The following CCDC92B variants were observed in gnomAD, a reference collection of about 807,000 sequenced individuals.
The protein encoded by CCDC92B is coiled-coil domain-containing 92B.
Under a neutral mutation model 5.6 loss-of-function variants are expected in CCDC92B, and 2 were observed. That is an observed-to-expected ratio of 0.36 (90% CI 0.15 to 1.12). The LOEUF is 1.12. CCDC92B is among the 50% of genes most tolerant of loss of function. CCDC92B has a pLI of 0.40. For missense variants in CCDC92B, 271 were observed against 262.2 expected (o/e 1.03, Z -0.23); for synonymous variants, 115 against 122.3 (o/e 0.94, Z 0.39).
Position 2,721,458 on chromosome 17 carries a change from G to A in CCDC92B, c.*2953C>T, listed in dbSNP as rs1298269813. Reference sequence around the variant, plus strand: ...AGGGGCCAGGAGCGCGTGGGGGTGCGAGGTTTCCCTTTGGCCAGGTGGGCT... The same window carrying A: ...AGGGGCCAGGAGCGCGTGGGGGTGCAAGGTTTCCCTTTGGCCAGGTGGGCT... On this transcript the variant is annotated 3_prime_UTR_variant, in exon 4 of 4. Transcript: ENST00000614400. 2 of 152,410 alleles carry A rather than the reference G, an allele frequency of 1.3e-5. No individual in the cohort carries two copies. The highest frequency in any genetic ancestry group is 4.8e-5 in the African/African-American group (2 of 41,452). 9.4% of individuals were successfully genotyped at this position (152,410 alleles called of 1,614,324 possible).
intron 3 of CCDC92B, among the ~76,000 whole-genome samples, chr17:2,727,714 C>T (rs927075987): frequency 6.6e-6 from 1 of 151,576 alleles, no homozygotes; most frequent in Admixed American, 6.6e-5. Flanking sequence ...ATCCCAGCTA[C>T]TTGGGAGGCT....
At chr17:2,740,113 G>T (rs1008787496) in intron 1 of CCDC92B, among the ~76,000 whole-genome samples, 19 of 152,204 alleles carry the variant, frequency 1.2e-4, no homozygotes, top group Admixed American at 1.0e-3. Context: ...AGTTCTCTTT[G>T]GGGAAGTAAC....
chr17:2,729,517 A>T (rs1302833148), intron 3 of CCDC92B, among the ~76,000 whole-genome samples: 1 of 126,802 alleles, frequency 7.9e-6, no homozygotes, highest in Non-Finnish European at 1.7e-5. Context: ...AAAAAAAATT[A>T]CTGTGTCCCT....
chr17:2,734,906 G>A (rs993323413), intron 2 of CCDC92B, 110 bp downstream of exon 2: 15 of 786,638 alleles, frequency 1.9e-5, no homozygotes, highest in Non-Finnish European at 2.3e-5. Context: ...CAGCAGAATC[G>A]GTGCAGTGTG....
At chr17:2,727,820 T>G (rs1182938848) in intron 3 of CCDC92B, among the ~76,000 whole-genome samples, 3 of 113,694 alleles carry the variant, frequency 2.6e-5, no homozygotes, top group African/African-American at 9.4e-5. Flanking sequence ...TGAGACTCCG[T>G]CTCAAAAAAA....
At chr17:2,727,629 G>A (rs560470852) in intron 3 of CCDC92B, among the ~76,000 whole-genome samples, 3 of 151,952 alleles carry the variant, frequency 2.0e-5, no homozygotes, top group African/African-American at 7.2e-5. Context: ...TTCGAGACCA[G>A]CCTGGCCAGC....
intron 1 of CCDC92B, among the ~76,000 whole-genome samples, chr17:2,740,797 G>A (rs539798950): frequency 4.0e-5 from 6 of 151,698 alleles, no homozygotes; most frequent in East Asian, 1.9e-4. Flanking sequence ...ATGAAACCTC[G>A]TCTCTACAAA....
At chr17:2,726,256 C>G (rs1352875849) in intron 3 of CCDC92B, among the ~76,000 whole-genome samples, 1 of 151,498 alleles carries the variant, frequency 6.6e-6, no homozygotes, top group African/African-American at 2.4e-5. Flanking sequence ...TGGCTCACTG[C>G]AAGCTCCACC....
rs1218555880 is a variant in CCDC92B at position 2,721,197 on chromosome 17, G to A, written c.*3214C>T. 1.3e-4 allele frequency: 20 copies of A among 152,458 alleles called. No homozygotes were observed. Among genetic ancestry groups the A allele is most frequent in the Admixed American group, 1.3e-3 (20 of 15,282 alleles). 9.4% of individuals were successfully genotyped at this position (152,458 alleles called of 1,614,324 possible). A position where few individuals can be genotyped will look rare whatever the true frequency, so the allele number is the denominator to read the frequency against. On this transcript the variant is annotated 3_prime_UTR_variant, in exon 4 of 4. Coordinates refer to ENST00000614400, the MANE Select transcript of CCDC92B (RefSeq NM_001355573.2). Reference sequence around the variant, plus strand: ...GAGGGTGCTGTGGCTGAGCTGTGGGGGCCAGGGGTACAGAGCCTCAAACCG... The same window carrying A: ...GAGGGTGCTGTGGCTGAGCTGTGGGAGCCAGGGGTACAGAGCCTCAAACCG...
chr17:2,730,398 C>T (rs2070778390), intron 3 of CCDC92B, 48 bp downstream of exon 3: 4 of 972,186 alleles, frequency 4.1e-6, no homozygotes, highest in Non-Finnish European at 4.9e-6. Context: ...GGAAAAACTC[C>T]AGCTGTTGGG....
intron 3 of CCDC92B, among the ~76,000 whole-genome samples, chr17:2,728,614 AC>A (rs2070763166): frequency 6.6e-6 from 1 of 151,370 alleles, no homozygotes; most frequent in Non-Finnish European, 1.5e-5. Context: ...AAAAAAAAAA[AC>A]AAAAAAAACA....
rs910248033 is a variant in CCDC92B, at chr17:2,720,903, A to G, written c.*3508T>C. ...GTGAATACACTCTGAAAAGCATTGG[A>G]TACAAAAGCGCAGCCAACAGAGAAT... On this transcript the variant is annotated 3_prime_UTR_variant, in exon 4 of 4. Transcript: ENST00000614400. 1 of 152,222 alleles carries G rather than the reference A, an allele frequency of 6.6e-6. No individual in the cohort carries two copies. The highest frequency in any genetic ancestry group is 2.4e-5 in the African/African-American group (1 of 41,444). The allele number at this position is 152,222 out of a possible 1,614,324, so 9.4% of individuals were successfully genotyped here.
chr17:2,741,033 G>C (rs1033285948), intron 1 of CCDC92B, among the ~76,000 whole-genome samples: 1 of 142,778 alleles, frequency 7.0e-6, no homozygotes, highest in African/African-American at 2.6e-5. Flanking sequence ...GATAATAAAT[G>C]TATGTTGTTT....
In CCDC92B at chr17:2,728,551, C is replaced by T. The variant is rs537275391; in HGVS notation, c.178+1895G>A. 6.4e-4 allele frequency among the ~76,000 whole-genome samples: 96 copies of T among 149,998 alleles called. 1 individual carries two copies. The highest frequency in any genetic ancestry group is 2.2e-3 in the African/African-American group (90 of 40,692). On this transcript the variant is annotated intron_variant, in intron 3 of 3. Coordinates refer to ENST00000614400, the MANE Select transcript of CCDC92B (RefSeq NM_001355573.2). ...CCGGGAGGCAGAGCTTGCAGTGAGC[C>T]GAGACCGCACCACTGCACTCCAGCC...
intron 1 of CCDC92B, among the ~76,000 whole-genome samples, chr17:2,748,748 G>A (rs757282987): frequency 6.6e-6 from 1 of 152,178 alleles, no homozygotes; most frequent in Non-Finnish European, 1.5e-5. Context: ...CCACATCCTT[G>A]GCTTTCCTGG....
In CCDC92B at chr17:2,724,499, G is replaced by C; in HGVS notation, c.680C>G (p.Pro227Arg). The change falls in exon 4 of 4, where the codon CCG becomes CGG. Residue 227 changes from proline (P) to arginine (R), a missense_variant. Pro to Arg is a moderately radical substitution (Grantham distance 103). Coordinates refer to ENST00000614400, the MANE Select transcript of CCDC92B (RefSeq NM_001355573.2). This position sits in a 1 kb window ranked among gnomAD's most constrained non-coding sequence, Gnocchi z 5.0. Reference sequence around the variant, plus strand: ...GGGCTCCTGGGGAGGCGGCTGGCGCGGGCTGCGGGCGCTGGGCCGCAGCGG... The same window carrying C: ...GGGCTCCTGGGGAGGCGGCTGGCGCCGGCTGCGGGCGCTGGGCCGCAGCGG... ...RRPLRPSARS[P>R]RQPPPQEPPD... The C allele has an allele frequency of 1.0e-6, 1 of 981,012 alleles. No homozygotes were observed. The highest frequency in any genetic ancestry group is 6.2e-5 in the Admixed American group (1 of 16,064). The allele number at this position is 981,012 out of a possible 1,614,324, so 60.8% of individuals were successfully genotyped here.
intron 2 of CCDC92B, among the ~76,000 whole-genome samples, chr17:2,733,744 C>CTTTT (rs386385447): frequency 0.013 from 648 of 49,302 alleles, 137 homozygotes; most frequent in East Asian, 0.05. Context: ...GGACCACTGG[C>CTTTT]TTTTTTTTTT....
At position 2,724,686 on chromosome 17, in the gene CCDC92B, T is replaced by C. The variant is rs1323202086; in HGVS notation, c.493A>G (p.Arg165Gly). Residue 165 changes from arginine (R) to glycine (G), a missense_variant, in exon 4 of 4, where the codon AGG (arginine) becomes GGG (glycine). Physicochemically the swap from Arg to Gly is moderately radical, Grantham distance 125 (BLOSUM62 -2). Transcript: ENST00000614400. The surrounding 1 kb of genome is among the most constrained non-coding windows in gnomAD (Gnocchi z 5.0). ...GCTCGCAGTGCGCGGCGGCGTGGCCTGGGCTCGGCGGTGGCGCCGGGGCCC... is the reference window on the plus strand; with the variant it reads ...GCTCGCAGTGCGCGGCGGCGTGGCCCGGGCTCGGCGGTGGCGCCGGGGCCC... The part of the protein sequence containing the change: ...RPGPGATAEP[R>G]PRRRALRARR... 2 of 981,488 alleles carry C rather than the reference T, an allele frequency of 2.0e-6. No homozygotes were observed. Among genetic ancestry groups the C allele is most frequent in the African/African-American group, 1.8e-5 (1 of 56,452 alleles). The allele number at this position is 981,488 out of a possible 1,614,324, so 60.8% of individuals were successfully genotyped here. A position where few individuals can be genotyped will look rare whatever the true frequency, so the allele number is the denominator to read the frequency against.
chr17:2,724,445 G>C lies in CCDC92B; in HGVS notation c.734C>G (p.Pro245Arg), dbSNP rs1213872966. The change falls in exon 4 of 4, where the codon CCC becomes CGC. Residue 245 changes from proline (P) to arginine (R), a missense_variant. Physicochemically the swap from Pro to Arg is moderately radical, Grantham distance 103. Transcript: ENST00000614400. This position sits in a 1 kb window ranked among gnomAD's most constrained non-coding sequence, Gnocchi z 5.0. Reference sequence around the variant, plus strand: ...GTCCCCGGGCGCGCTGGGCTGGCTGGGCGCGGGCTGCGGGCCGGCTCGGTC... The same window carrying C: ...GTCCCCGGGCGCGCTGGGCTGGCTGCGCGCGGGCTGCGGGCCGGCTCGGTC... ...PPDRAGPQPA[P>R]SQPSAPGDPE The C allele has an allele frequency of 7.1e-6, 7 of 983,904 alleles. No individual in the cohort carries two copies. Among genetic ancestry groups the C allele is most frequent in the African/African-American group, 1.8e-5 (1 of 56,976 alleles). The allele number at this position is 983,904 out of a possible 1,614,324, so 60.9% of individuals were successfully genotyped here.
Sources: allele counts gnomAD v4.1 joint callset (sites outside exome capture counted in the v4.1 genomes callset), GRCh38; gene constraint gnomAD v4.1.1; non-coding constraint Gnocchi (gnomAD v3.1); transcripts MANE v1.5; gene names NCBI Gene and HGNC (gene_info 2026-07-23, HGNC 2026-07-21).